Variants in PGM5 observed in about 807,000 individuals in gnomAD.
PGM5 encodes the protein phosphoglucomutase-like protein 5.
Under a neutral mutation model 59.2 loss-of-function variants are expected in PGM5, and 23 were observed. The observed-to-expected ratio is 0.39, with a 90% CI of 0.28 to 0.55. The LOEUF (loss-of-function observed/expected upper bound fraction) is 0.55, where lower values mean the gene tolerates loss of function less well. PGM5 is among the 20% of genes least tolerant of loss of function. PGM5 has a pLI of 0.66. For missense variants in PGM5, 574 were observed against 748.3 expected (o/e 0.77, Z 2.72); for synonymous variants, 214 against 286.0 (o/e 0.75, Z 2.54).
intron 6 of PGM5, among the ~76,000 whole-genome samples, chr9:68,415,779 ATATC>A (rs782447993): frequency 0.044 from 1,451 of 33,270 alleles, 74 homozygotes; most frequent in Non-Finnish European, 0.052. Flanking sequence ...AAGGCAGGGA[ATATC>A]TATCTATCTA....
At chr9:68,496,491 G>A (rs1021674051) in intron 9 of PGM5, among the ~76,000 whole-genome samples, 24 of 152,162 alleles carry the variant, frequency 1.6e-4, no homozygotes, top group African/African-American at 5.1e-4. Flanking sequence ...TCTCAGTTAA[G>A]ATCTCATGGT....
chr9:68,486,807 G>A (rs1165815652), intron 9 of PGM5, among the ~76,000 whole-genome samples: 3 of 152,142 alleles, frequency 2.0e-5, no homozygotes, highest in African/African-American at 7.2e-5. Context: ...GAATTGCTGG[G>A]TCAAATGGTA....
At chr9:68,478,473 G>A (rs1351205979) in intron 7 of PGM5, among the ~76,000 whole-genome samples, 1 of 152,158 alleles carries the variant, frequency 6.6e-6, no homozygotes, top group Non-Finnish European at 1.5e-5. Context: ...TAATCTCCTA[G>A]GGCTGTCATA....
intron 1 of PGM5, among the ~76,000 whole-genome samples, chr9:68,370,355 A>G (rs1225163983): frequency 1.3e-5 from 2 of 152,180 alleles, no homozygotes; most frequent in Non-Finnish European, 2.9e-5. Flanking sequence ...TCACACATGA[A>G]AGAAATCCTG....
intron 6 of PGM5, chr9:68,399,202 A>G (rs1190780599): frequency 5.3e-5 from 8 of 151,918 alleles, no homozygotes; most frequent in Non-Finnish European, 1.0e-4. Flanking sequence ...TTTGCCCTTG[A>G]TTCCCTCAGC....
chr9:68,414,396 G>A (rs1822986124), intron 6 of PGM5, among the ~76,000 whole-genome samples: 1 of 152,188 alleles, frequency 6.6e-6, no homozygotes, highest in Admixed American at 6.5e-5. Flanking sequence ...CTGGCAATGG[G>A]TTCAAATAAA....
chr9:68,452,177 C>T (rs374512464), intron 6 of PGM5, among the ~76,000 whole-genome samples: 1 of 152,192 alleles, frequency 6.6e-6, no homozygotes, highest in Non-Finnish European at 1.5e-5. Context: ...AAGACTGTGC[C>T]CCTGAAGCAG....
chr9:68,465,062 G>A, intron 6 of PGM5, 31 bp from the exon 7 acceptor site: 2 of 1,350,126 alleles, frequency 1.5e-6, no homozygotes, highest in Non-Finnish European at 2.1e-6. Context: ...TGAAATATAT[G>A]AATTGACTTT....
At chr9:68,509,149 A>C (rs554631731) in intron 10 of PGM5, among the ~76,000 whole-genome samples, 1 of 152,210 alleles carries the variant, frequency 6.6e-6, no homozygotes, top group Non-Finnish European at 1.5e-5. Context: ...GGCTGAATTT[A>C]AGTTTGATGC....
At chr9:68,478,585 T>C (rs1824141903) in intron 7 of PGM5, among the ~76,000 whole-genome samples, 1 of 152,174 alleles carries the variant, frequency 6.6e-6, no homozygotes, top group Non-Finnish European at 1.5e-5. Flanking sequence ...GGACCACCCT[T>C]CCTTGGAAGG....
chr9:68,501,501 C>A (rs1386319631), intron 10 of PGM5, among the ~76,000 whole-genome samples: 7 of 152,170 alleles, frequency 4.6e-5, no homozygotes, highest in African/African-American at 1.7e-4. Context: ...TCCAGGACCA[C>A]CTGCTTCTGC....
At chr9:68,472,131 C>T in intron 7 of PGM5, among the ~76,000 whole-genome samples, 1 of 152,092 alleles carries the variant, frequency 6.6e-6, no homozygotes, top group East Asian at 1.9e-4. Flanking sequence ...ATTCCTAGTG[C>T]CTCCTGTACT....
intron 2 of PGM5, among the ~76,000 whole-genome samples, chr9:68,383,468 T>G (rs1242108229): frequency 6.6e-6 from 1 of 151,328 alleles, no homozygotes; most frequent in Non-Finnish European, 1.5e-5. Context: ...TCAACTTGAC[T>G]AGCCACATTT....
intron 1 of PGM5, among the ~76,000 whole-genome samples, chr9:68,362,874 T>C (rs1294564765): frequency 2.1e-5 from 3 of 143,620 alleles, no homozygotes; most frequent in Admixed American, 6.9e-5. Context: ...TCTTTTTTTT[T>C]TTTTTTTTTT....
chr9:68,410,246 G>A (rs1299905134), intron 6 of PGM5, among the ~76,000 whole-genome samples: 1 of 149,882 alleles, frequency 6.7e-6, no homozygotes, highest in Non-Finnish European at 1.5e-5. Flanking sequence ...AGGACTTAAT[G>A]ATGTGGCCAC....
chr9:68,500,252 C>T (rs1357576673), intron 10 of PGM5, among the ~76,000 whole-genome samples: 2 of 152,068 alleles, frequency 1.3e-5, no homozygotes, highest in Non-Finnish European at 2.9e-5. Context: ...GAGTAAGATA[C>T]CTGGCAGGCT....
In PGM5 at chr9:68,396,591, G is replaced by A. The variant is rs570316210; in HGVS notation, c.1043+4118G>A. On this transcript the variant is annotated intron_variant, in intron 6 of 10. Coordinates refer to ENST00000396396, the MANE Select transcript of PGM5 (RefSeq NM_021965.4). ...TTTCACAAAGGACCTGTTCTGATATGTAAGTGACCATTTAAAAGGATTATT... is the reference window on the plus strand; with the variant it reads ...TTTCACAAAGGACCTGTTCTGATATATAAGTGACCATTTAAAAGGATTATT... The A allele has an allele frequency of 3.3e-5, 5 of 152,558 alleles. No individual in the cohort carries two copies. In the East Asian group the frequency reaches 7.7e-4, roughly 23 times the overall value. 9.5% of individuals were successfully genotyped at this position (152,558 alleles called of 1,614,324 possible).
chr9:68,518,948 A>G (rs1046134129), intron 10 of PGM5, among the ~76,000 whole-genome samples: 3 of 152,260 alleles, frequency 2.0e-5, no homozygotes, highest in African/African-American at 7.2e-5. Context: ...AAAGCCAAGC[A>G]GGATATATAA....
At chr9:68,413,471 T>C (rs2132040702) in intron 6 of PGM5, among the ~76,000 whole-genome samples, 1 of 152,360 alleles carries the variant, frequency 6.6e-6, no homozygotes, top group Middle Eastern at 3.4e-3. Context: ...CCCTAAGGTA[T>C]ACCTGCCTTT....
Sources: gnomAD v4.1 joint callset for allele counts (sites outside exome capture counted in the v4.1 genomes callset) on GRCh38, gnomAD v4.1.1 for gene constraint, MANE v1.5 for transcripts, NCBI Gene and HGNC (gene_info 2026-07-23, HGNC 2026-07-21) for gene names.